The following KIF2A variants were observed in gnomAD, a reference collection of about 807,000 sequenced individuals.
KIF2A encodes the protein kinesin family member 2A, also known as kinesin-like protein KIF2A.
Under a neutral mutation model 100.2 loss-of-function variants are expected in KIF2A, and 22 were observed. That is an observed-to-expected ratio of 0.22 (90% CI 0.16 to 0.31). The LOEUF (loss-of-function observed/expected upper bound fraction) is 0.31, where lower values mean the gene tolerates loss of function less well. KIF2A is among the 10% of genes least tolerant of loss of function. The pLI is 1.00. For missense variants in KIF2A, 495 were observed against 898.7 expected, an observed-to-expected ratio of 0.55 and a Z score of 5.74; for synonymous variants, 268 against 285.9, an observed-to-expected ratio of 0.94 and a Z score of 0.63.
chr5:62,363,772 G>A lies in KIF2A; in HGVS notation c.1340G>A (p.Gly447Glu). The A allele has an allele frequency of 6.2e-7, 1 of 1,613,898 alleles. No homozygotes were observed. The highest frequency in any genetic ancestry group is 1.1e-5 in the South Asian group (1 of 91,088). Residue 447 changes from glycine (G) to glutamate (E), a missense_variant, in exon 14 of 21, where the codon GGA (glycine) becomes GAA (glutamate). Physicochemically the swap from Gly to Glu is moderately conservative, Grantham distance 98 (BLOSUM62 -2). Coordinates refer to ENST00000407818, the MANE Select transcript of KIF2A (RefSeq NM_001098511.3). Reference sequence around the variant, plus strand: ...TTTCAGATTATTCTTAGAAGGAAAGGAAAACTACATGGCAAATTTTCTCTC... The same window carrying A: ...TTTCAGATTATTCTTAGAAGGAAAGAAAAACTACATGGCAAATTTTCTCTC... ...AVFQIILRRK[G>E]KLHGKFSLID...
At position 62,389,127 on chromosome 5, in the gene KIF2A, A is replaced by G. The variant is rs1742173460; in HGVS notation, c.*3558A>G. The G allele has an allele frequency of 1.2e-5, 15 of 1,233,120 alleles. No individual in the cohort carries two copies. Among genetic ancestry groups the G allele is most frequent in the African/African-American group, 1.5e-5 (1 of 65,646 alleles). 76.4% of individuals were successfully genotyped at this position (1,233,120 alleles called of 1,614,324 possible). ...ACATAACGGTATATAGTTCTATACC[A>G]TTAATACTAAAACATGAATACAGCA... On this transcript the variant is annotated 3_prime_UTR_variant, in exon 21 of 21. Coordinates refer to ENST00000407818, the MANE Select transcript of KIF2A (RefSeq NM_001098511.3).
In KIF2A at chr5:62,347,115, T is replaced by G. The variant is rs1032468118; in HGVS notation, c.65-15T>G. 3 of 1,508,674 alleles carry G rather than the reference T, an allele frequency of 2.0e-6. No homozygotes were observed. Among genetic ancestry groups the G allele is most frequent in the Admixed American group, 3.5e-5 (2 of 57,070 alleles). 93.5% of individuals were successfully genotyped at this position (1,508,674 alleles called of 1,614,324 possible). A position where few individuals can be genotyped will look rare whatever the true frequency, so the allele number is the denominator to read the frequency against. On this transcript the variant is annotated splice_polypyrimidine_tract_variant and intron_variant, in intron 1 of 20. Transcript: ENST00000407818. ...TTTGTGGCATTTTTAAGGTGTATAC[T>G]TTATTCCCACATAGGCCGAATACAT...
chr5:62,352,234 G>GC (rs1747890388), intron 4 of KIF2A, among the ~76,000 whole-genome samples: 1 of 151,680 alleles, frequency 6.6e-6, no homozygotes. Context: ...ACGTGGAGCG[G>GC]TTTATATATA....
intron 1 of KIF2A, 63 bp from the exon 2 acceptor site, chr5:62,347,067 C>T: frequency 1.2e-6 from 1 of 816,564 alleles, no homozygotes; most frequent in Non-Finnish European, 2.0e-6. Flanking sequence ...AATTGTATTT[C>T]ACAGTGTTTA....
chr5:62,365,206 AAG>A (rs1741012087), intron 14 of KIF2A, 35 bp from the exon 15 acceptor site: 1 of 1,043,098 alleles, frequency 9.6e-7, no homozygotes, highest in Non-Finnish European at 1.4e-6. Context: ...CTTTATAAGA[AAG>A]ACTAATCTGT....
chr5:62,321,537 G>T (rs1746090996), intron 1 of KIF2A, among the ~76,000 whole-genome samples: 1 of 152,006 alleles, frequency 6.6e-6, no homozygotes, highest in Non-Finnish European at 1.5e-5. Context: ...CTTTCCATGT[G>T]TTCATTTACC....
chr5:62,348,558 T>G (rs1196753875), intron 3 of KIF2A, among the ~76,000 whole-genome samples: 1 of 152,198 alleles, frequency 6.6e-6, no homozygotes, highest in Admixed American at 6.5e-5. Context: ...ATTCTGCTAT[T>G]TGTTTCTTAA....
At position 62,306,235 on chromosome 5, in the gene KIF2A, G is replaced by C. The variant is rs561287890; in HGVS notation, c.-238G>C. On this transcript the variant is annotated 5_prime_UTR_variant, in exon 1 of 21. Transcript: ENST00000407818. Reference sequence around the variant, plus strand: ...TACCCCGCGCCGTCTCACGGCCCCGGCCCTAGCTTCACCCCGACTACCCGG... The same window carrying C: ...TACCCCGCGCCGTCTCACGGCCCCGCCCCTAGCTTCACCCCGACTACCCGG... 3 of 507,542 alleles carry C rather than the reference G, an allele frequency of 5.9e-6. No individual in the cohort carries two copies. The highest frequency in any genetic ancestry group is 5.1e-4 in the Middle Eastern group (1 of 1,942). The allele number at this position is 507,542 out of a possible 1,614,324, so 31.4% of individuals were successfully genotyped here. A position where few individuals can be genotyped will look rare whatever the true frequency, so the allele number is the denominator to read the frequency against.
chr5:62,362,392 G>A (rs1421737868), intron 11 of KIF2A, 58 bp from the exon 12 acceptor site: 5 of 774,856 alleles, frequency 6.5e-6, no homozygotes, highest in Admixed American at 7.8e-5. Flanking sequence ...GAAAATTTGA[G>A]TTGCTTTTTA....
intron 20 of KIF2A, among the ~76,000 whole-genome samples, chr5:62,381,669 G>T (rs1363339798): frequency 6.6e-6 from 1 of 152,188 alleles, no homozygotes; most frequent in Non-Finnish European, 1.5e-5. Context: ...TGCTCAAGCA[G>T]TCCTCCCACC....
At position 62,331,921 on chromosome 5, in the gene KIF2A, T is replaced by C. The variant is rs910555877; in HGVS notation, c.65-15209T>C. ...ATTTTCTTAATAAAATACATATTTTTGTTAGATTTTTAATATTCTGACTTT... is the reference window on the plus strand; with the variant it reads ...ATTTTCTTAATAAAATACATATTTTCGTTAGATTTTTAATATTCTGACTTT... On this transcript the variant is annotated intron_variant, in intron 1 of 20. Coordinates refer to ENST00000407818, the MANE Select transcript of KIF2A (RefSeq NM_001098511.3). 3.9e-5 allele frequency among the ~76,000 whole-genome samples: 6 copies of C among 152,228 alleles called. No individual in the cohort carries two copies. In the South Asian group the frequency reaches 1.2e-3, roughly 32 times the overall value.
intron 3 of KIF2A, 148 bp downstream of exon 3, chr5:62,348,315 A>G (rs999015253): frequency 1.4e-6 from 1 of 701,878 alleles, no homozygotes; most frequent in African/African-American, 1.8e-5. Context: ...ATATATACAT[A>G]CATATTTTCA....
chr5:62,312,643 G>A (rs995312706), intron 1 of KIF2A, among the ~76,000 whole-genome samples: 1 of 152,178 alleles, frequency 6.6e-6, no homozygotes, highest in African/African-American at 2.4e-5. Context: ...ACAAATACAG[G>A]TTAAGTTGTC....
At chr5:62,337,319 C>T (rs1212166658) in intron 1 of KIF2A, among the ~76,000 whole-genome samples, 1 of 151,898 alleles carries the variant, frequency 6.6e-6, no homozygotes, top group Non-Finnish European at 1.5e-5. Flanking sequence ...TGGTGAAACC[C>T]CCTCTCTACT....
intron 1 of KIF2A, among the ~76,000 whole-genome samples, chr5:62,319,919 C>T (rs554528462): frequency 6.6e-6 from 1 of 152,190 alleles, no homozygotes; most frequent in Non-Finnish European, 1.5e-5. Flanking sequence ...ATCTATTAGT[C>T]TCCATCCTAC....
chr5:62,345,819 C>T (rs1429444577), intron 1 of KIF2A, among the ~76,000 whole-genome samples: 1 of 151,980 alleles, frequency 6.6e-6, no homozygotes, highest in Non-Finnish European at 1.5e-5. Flanking sequence ...TAGATGCCCC[C>T]AAGGATTTCT....
chr5:62,383,229 ATTTTTTTTTTT>A (rs70977902), intron 20 of KIF2A, among the ~76,000 whole-genome samples: 8 of 39,102 alleles, frequency 2.0e-4, no homozygotes, highest in African/African-American at 5.7e-4. Flanking sequence ...GCCTGGCCAG[ATTTTTTTTTTT>A]TTTTTTTTTT....
chr5:62,306,494 A>G lies in KIF2A; in HGVS notation c.22A>G (p.Lys8Glu), dbSNP rs972154930. 6.5e-7 allele frequency: 1 copy of G among 1,541,540 alleles called. No individual in the cohort carries two copies. Among genetic ancestry groups the G allele is most frequent in the Non-Finnish European group, 8.8e-7 (1 of 1,142,240 alleles). MATANFGKIQIGIYVEIK... is the reference protein window; with the variant it reads MATANFGEIQIGIYVEIK... ...GGTGATGGCAACGGCCAACTTCGGC[A>G]AGATCCAGATCGGGATTTACGTGGA... The change falls in exon 1 of 21, where the codon AAG (lysine) becomes GAG (glutamate). Residue 8 changes from lysine (K) to glutamate (E), a missense_variant. This residue lies in a region of KIF2A where 26 missense variants were observed against 16.4 expected (regional missense o/e 1.59). Transcript: ENST00000407818.
At chr5:62,345,875 T>C (rs1307811637) in intron 1 of KIF2A, among the ~76,000 whole-genome samples, 1 of 152,164 alleles carries the variant, frequency 6.6e-6, no homozygotes, top group Non-Finnish European at 1.5e-5. Context: ...TTTCTGTCTC[T>C]ACTTGAGTAA....
Sources: allele counts gnomAD v4.1 joint callset (sites outside exome capture counted in the v4.1 genomes callset), GRCh38; gene constraint gnomAD v4.1.1; regional missense constraint gnomAD v4.1.1; transcripts MANE v1.5; gene names NCBI Gene and HGNC (gene_info 2026-07-23, HGNC 2026-07-21).